Variants in ELAC2 observed in about 807,000 individuals in gnomAD.
ELAC2 encodes the protein zinc phosphodiesterase ELAC protein 2.
A neutral mutation model predicts 105.2 loss-of-function variants in ELAC2; 92 were observed. That is an observed-to-expected ratio of 0.87 (90% CI 0.74 to 1.04). The LOEUF (loss-of-function observed/expected upper bound fraction) is 1.04. Among genes scored for constraint, ELAC2 ranks in the 50% least tolerant of loss-of-function variants. The pLI, the probability that ELAC2 is intolerant of heterozygous loss-of-function variation, is 0.00. For synonymous variants in ELAC2, 468 were observed against 409.1 expected (o/e 1.14, Z -1.74); for missense variants, 1,099 against 1,071.7 (o/e 1.03, Z -0.36).
chr17:13,002,771 A>C, intron 12 of ELAC2, 192 bp from the exon 13 acceptor site: 1 of 857,366 alleles, frequency 1.2e-6, no homozygotes, highest in Non-Finnish European at 1.8e-6. Flanking sequence ...TCCCTAGCTC[A>C]GCTGCCTTTC....
chr17:13,017,818 C>G lies in ELAC2; in HGVS notation c.130G>C (p.Glu44Gln). 6.3e-7 allele frequency: 1 copy of G among 1,598,736 alleles called. No homozygotes were observed. The highest frequency in any genetic ancestry group is 8.5e-7 in the Non-Finnish European group (1 of 1,173,766). The change falls in exon 1 of 24, where the codon GAG becomes CAG. Residue 44 changes from glutamate to glutamine, a missense_variant. Physicochemically the swap from Glu to Gln is conservative, Grantham distance 29. Coordinates refer to ENST00000338034, the MANE Select transcript of ELAC2 (RefSeq NM_018127.7). The stretch of plus-strand genomic sequence containing the variant: ...GAGCACCCCGACGGTCCGCGCTTCT[C>G]TCGCGTGCGCAGGTGCCGCAGCGGG... Reference protein sequence around the residue: ...KDPLRHLRTREKRGPSGCSGG... With the variant: ...KDPLRHLRTRQKRGPSGCSGG...
chr17:13,013,188 A>C lies in ELAC2; in HGVS notation c.559+19T>G. 6.2e-7 allele frequency: 1 copy of C among 1,614,070 alleles called. No individual in the cohort carries two copies. The highest frequency in any genetic ancestry group is 8.5e-7 in the Non-Finnish European group (1 of 1,179,958). On this transcript the variant is annotated intron_variant, in intron 6 of 23. Transcript: ENST00000338034. ...AGGACGTACACCCTCCTCCTGGGAA[A>C]CCTGGCTTTCATACTCACTGTGTAT...
At chr17:13,004,249 A>G (rs1049623226) in intron 11 of ELAC2, 1 of 157,294 alleles carries the variant, frequency 6.4e-6, no homozygotes, top group Non-Finnish European at 1.4e-5. Context: ...CTACCAGCGC[A>G]TCCAAATTCA....
intron 14 of ELAC2, 75 bp downstream of exon 14, chr17:13,002,198 AT>A: frequency 2.0e-6 from 3 of 1,501,844 alleles, no homozygotes; most frequent in Non-Finnish European, 2.7e-6. Flanking sequence ...CTCCTGGAAC[AT>A]TTACTATGTG....
rs1363095181 is a variant in ELAC2, at chr17:13,017,557, TC to T, written c.245+145del. On this transcript the variant is annotated intron_variant, in intron 1 of 23. Coordinates refer to ENST00000338034, the MANE Select transcript of ELAC2 (RefSeq NM_018127.7). ...ACATGGATGCAAAGAATCTCGGATTTCCCACCCACCATAACTCCACGAACCC... is the reference window on the plus strand; with the variant it reads ...ACATGGATGCAAAGAATCTCGGATTTCCACCCACCATAACTCCACGAACCC... The T allele has an allele frequency of 6.9e-5, 98 of 1,420,464 alleles. 1 individual carries two copies. Among genetic ancestry groups the T allele is most frequent in the Non-Finnish European group, 8.9e-5 (94 of 1,056,120 alleles). The allele number at this position is 1,420,464 out of a possible 1,614,324, so 88.0% of individuals were successfully genotyped here. A position where few individuals can be genotyped will look rare whatever the true frequency, so the allele number is the denominator to read the frequency against.
intron 18 of ELAC2, 52 bp from the exon 19 acceptor site, chr17:12,995,864 A>C: frequency 6.3e-7 from 1 of 1,585,378 alleles, no homozygotes. Context: ...CTCAATAAAA[A>C]CTGGAGTGCC....
chr17:12,994,345 A>G (rs766056867), intron 22 of ELAC2, 80 bp downstream of exon 22: 2 of 1,498,012 alleles, frequency 1.3e-6, no homozygotes, highest in Admixed American at 1.7e-5. Context: ...ACATCAGTGG[A>G]GACAAACGAC....
intron 6 of ELAC2, among the ~76,000 whole-genome samples, chr17:13,012,871 A>G (rs1382939284): frequency 2.0e-5 from 3 of 151,854 alleles, no homozygotes; most frequent in Non-Finnish European, 4.4e-5. Context: ...ATCTGTGCAA[A>G]CCTCTTCATG....
In ELAC2 at chr17:13,005,090, T is replaced by A; in HGVS notation, c.882A>T (p.Glu294Asp). The change falls in exon 11 of 24, where the codon GAA (glutamate) becomes GAT (aspartate). Residue 294 changes from glutamate to aspartate, a missense_variant. Coordinates refer to ENST00000338034, the MANE Select transcript of ELAC2 (RefSeq NM_018127.7). Reference sequence around the variant, plus strand: ...CAGGATCTGGAGGAGTACACAGCTCTTCAGCCAAAATCTGCAAAACCAAAT... The same window carrying A: ...CAGGATCTGGAGGAGTACACAGCTCATCAGCCAAAATCTGCAAAACCAAAT... ...ITHEGREILA[E>D]ELCTPPDPGA... 1 of 1,614,082 alleles carries A rather than the reference T, an allele frequency of 6.2e-7. No homozygotes were observed. The highest frequency in any genetic ancestry group is 8.5e-7 in the Non-Finnish European group (1 of 1,179,922).
At position 13,001,512 on chromosome 17, in the gene ELAC2, TA is replaced by T. The variant is rs1188354397; in HGVS notation, c.1304+761del. ...CGTCTCAAAAAAATAAATAAATAAATAAAATAAATAAATTAATTAATTAAAA... is the reference window on the plus strand; with the variant it reads ...CGTCTCAAAAAAATAAATAAATAAATAAATAAATAAATTAATTAATTAAAA... On this transcript the variant is annotated intron_variant, in intron 14 of 23. Transcript: ENST00000338034. Among the ~76,000 whole-genome samples the T allele has an allele frequency of 9.3e-5, 14 of 151,308 alleles. No homozygotes were observed. In the South Asian group the frequency reaches 2.5e-3, roughly 27 times the overall value.
chr17:13,013,429 T>C (rs1023637054), intron 5 of ELAC2, among the ~76,000 whole-genome samples, 154 bp from the exon 6 acceptor site: 24 of 152,210 alleles, frequency 1.6e-4, no homozygotes, highest in Admixed American at 1.6e-3. Context: ...GATTACCATT[T>C]TTAGGAAATA....
At chr17:12,993,131 A>T in intron 23 of ELAC2, 86 bp from the exon 24 acceptor site, 1 of 1,373,126 alleles carries the variant, frequency 7.3e-7, no homozygotes, top group Non-Finnish European at 1.0e-6. Flanking sequence ...TCATGTGCTC[A>T]CACAGCAGCG....
intron 5 of ELAC2, among the ~76,000 whole-genome samples, chr17:13,013,939 C>T (rs1471452289): frequency 6.6e-6 from 1 of 152,200 alleles, no homozygotes; most frequent in Non-Finnish European, 1.5e-5. Context: ...AGGCAGGCAT[C>T]AGCTGTTCAA....
chr17:13,007,999 G>C (rs1462029175), intron 8 of ELAC2, among the ~76,000 whole-genome samples: 1 of 151,114 alleles, frequency 6.6e-6, no homozygotes, highest in African/African-American at 2.4e-5. Context: ...TCAGGAGTTC[G>C]AGACTAGCCT....
Position 12,995,073 on chromosome 17 carries a change from A to G in ELAC2, c.1809-11T>C. 3 of 1,613,716 alleles carry G rather than the reference A, an allele frequency of 1.9e-6. No individual in the cohort carries two copies. Among genetic ancestry groups the G allele is most frequent in the Non-Finnish European group, 2.5e-6 (3 of 1,179,622 alleles). On this transcript the variant is annotated splice_polypyrimidine_tract_variant and intron_variant, in intron 19 of 23. Coordinates refer to ENST00000338034, the MANE Select transcript of ELAC2 (RefSeq NM_018127.7). ...TTGGCAGGAATCATACTGTAAAAAG[A>G]CAAAACATTTAAAATGATAATAAAC... is the stretch of plus-strand genomic sequence containing the variant.
chr17:13,007,107 T>A (rs2041151803), intron 8 of ELAC2, among the ~76,000 whole-genome samples: 1 of 145,070 alleles, frequency 6.9e-6, no homozygotes. Context: ...TGAGACTCTG[T>A]CTCAAAAAAA....
chr17:13,003,740 C>T (rs2040956162), intron 11 of ELAC2, 166 bp from the exon 12 acceptor site: 2 of 651,254 alleles, frequency 3.1e-6, no homozygotes, highest in Non-Finnish European at 5.5e-6. Flanking sequence ...CACGGCAGAC[C>T]CCGGTGCTGG....
rs755897599 is a variant in ELAC2, at chr17:12,994,797, C to T, written c.1996G>A (p.Asp666Asn). The part of the protein sequence containing the change: ...TSGWKVVYSG[D>N]TMPCEALVRM... ...ACCAGAGCCTCGCAGGGCATGGTGT[C>T]CCCGGAATAGACCACTTTCCAGCCA... is the stretch of plus-strand genomic sequence containing the variant. Residue 666 changes from aspartate to asparagine, a missense_variant, in exon 21 of 24, where the codon GAC becomes AAC. Asp to Asn is a conservative substitution (Grantham distance 23). Coordinates refer to ENST00000338034, the MANE Select transcript of ELAC2 (RefSeq NM_018127.7). 3 of 1,613,992 alleles carry T rather than the reference C, an allele frequency of 1.9e-6. No individual in the cohort carries two copies. Among genetic ancestry groups the T allele is most frequent in the Non-Finnish European group, 1.7e-6 (2 of 1,180,042 alleles).
At chr17:13,009,755 C>G (rs1360297833) in intron 8 of ELAC2, among the ~76,000 whole-genome samples, 1 of 152,272 alleles carries the variant, frequency 6.6e-6, no homozygotes. Flanking sequence ...TTTTGGGAGG[C>G]CAAGGTGGGT....
Sources: gnomAD v4.1 joint callset for allele counts (sites outside exome capture counted in the v4.1 genomes callset) on GRCh38, gnomAD v4.1.1 for gene constraint, MANE v1.5 for transcripts, NCBI Gene and HGNC (gene_info 2026-07-23, HGNC 2026-07-21) for gene names.